The following PRICKLE2 variants were observed in gnomAD, a reference collection of about 807,000 sequenced individuals.
PRICKLE2 encodes the protein prickle-like protein 2.
In PRICKLE2, 21 loss-of-function variants were observed where a neutral mutation model predicts 81.4. That is an observed-to-expected ratio of 0.26 (90% CI 0.18 to 0.37). The LOEUF (loss-of-function observed/expected upper bound fraction) is 0.37, where lower values mean the gene tolerates loss of function less well. Among genes scored for constraint, PRICKLE2 ranks in the 10% least tolerant of loss-of-function variants. The pLI is 1.00. For synonymous variants in PRICKLE2, 456 were observed against 421.5 expected, an observed-to-expected ratio of 1.08 and a Z score of -1.00; for missense variants, 940 against 1,109.0, an observed-to-expected ratio of 0.85 and a Z score of 2.16.
At position 64,145,286 on chromosome 3, in the gene PRICKLE2, T is replaced by A. The variant is rs939421239; in HGVS notation, c.1660+1544A>T. On this transcript the variant is annotated intron_variant, in intron 7 of 7. Transcript: ENST00000638394. ...AGCTAATTTATATATATATATATAA[T>A]ATATTTGTATATATTATATCATATA... 9.6e-5 allele frequency: 14 copies of A among 146,410 alleles called. No individual in the cohort carries two copies. In the Admixed American group the frequency reaches 9.7e-4, roughly 10 times the overall value. The allele number at this position is 146,410 out of a possible 1,614,324, so 9.1% of individuals were successfully genotyped here. A position where few individuals can be genotyped will look rare whatever the true frequency, so the allele number is the denominator to read the frequency against.
chr3:64,132,358 G>C (rs1386584530), intron 7 of PRICKLE2, among the ~76,000 whole-genome samples: 1 of 152,180 alleles, frequency 6.6e-6, no homozygotes, highest in African/African-American at 2.4e-5. Flanking sequence ...AATGGGAAAA[G>C]ATCAGAGGGT....
At chr3:64,124,437 T>C (rs1195390064) in intron 7 of PRICKLE2, among the ~76,000 whole-genome samples, 1 of 152,218 alleles carries the variant, frequency 6.6e-6, no homozygotes, top group Non-Finnish European at 1.5e-5. Context: ...AGATTTTCAA[T>C]GTAGGTGAAA....
intron 2 of PRICKLE2, 174 bp from the exon 3 acceptor site, chr3:64,163,303 A>C (rs2077764745): frequency 1.5e-6 from 1 of 657,768 alleles, no homozygotes; most frequent in African/African-American, 1.8e-5. Flanking sequence ...ATTCATCCTT[A>C]AAGCAAGAGT....
chr3:64,099,228 G>T lies in PRICKLE2; in HGVS notation c.2358C>A (p.Asn786Lys). 1 of 1,614,170 alleles carries T rather than the reference G, an allele frequency of 6.2e-7. No homozygotes were observed. The highest frequency in any genetic ancestry group is 8.5e-7 in the Non-Finnish European group (1 of 1,180,032). Residue 786 changes from asparagine (N) to lysine (K), a missense_variant, in exon 8 of 8, where the codon AAC (asparagine) becomes AAA (lysine). Asn to Lys is a moderately conservative substitution (Grantham distance 94, BLOSUM62 0). Coordinates refer to ENST00000638394, the MANE Select transcript of PRICKLE2 (RefSeq NM_198859.4). The surrounding 1 kb of genome is among the most constrained non-coding windows in gnomAD (Gnocchi z 4.3). ...STCSSSSESDNEGYFLGEPIP... is the reference protein window; with the variant it reads ...STCSSSSESDKEGYFLGEPIP... Reference sequence around the variant, plus strand: ...TGGGTTCTCCTAGGAAATAGCCCTCGTTGTCAGACTCTGAAGAGGAGGAGC... The same window carrying T: ...TGGGTTCTCCTAGGAAATAGCCCTCTTTGTCAGACTCTGAAGAGGAGGAGC...
chr3:64,217,759 T>C (rs188572004), intron 1 of PRICKLE2, among the ~76,000 whole-genome samples: 1 of 152,254 alleles, frequency 6.6e-6, no homozygotes, highest in Non-Finnish European at 1.5e-5. Context: ...TGTCGATTAT[T>C]TGTGAGGTCT....
At chr3:64,202,984 T>C (rs1391142272) in intron 1 of PRICKLE2, among the ~76,000 whole-genome samples, 2 of 152,222 alleles carry the variant, frequency 1.3e-5, no homozygotes, top group Non-Finnish European at 1.5e-5. Context: ...GTGTTGGAGT[T>C]TGTCAAATGC....
intron 2 of PRICKLE2, among the ~76,000 whole-genome samples, chr3:64,177,415 G>A (rs1477957746): frequency 1.3e-5 from 2 of 152,010 alleles, no homozygotes; most frequent in Non-Finnish European, 2.9e-5. Flanking sequence ...TTATAGACGT[G>A]AGCCACCATG....
In PRICKLE2 at chr3:64,093,105, T is replaced by C. The variant is rs2076526535; in HGVS notation, c.*5946A>G. On this transcript the variant is annotated 3_prime_UTR_variant, in exon 8 of 8. Coordinates refer to ENST00000638394, the MANE Select transcript of PRICKLE2 (RefSeq NM_198859.4). Reference sequence around the variant, plus strand: ...TGAATTTGACTCTAGGTGCCTCAGATAAATGGAATCATACACTTGTCTTTT... The same window carrying C: ...TGAATTTGACTCTAGGTGCCTCAGACAAATGGAATCATACACTTGTCTTTT... The C allele has an allele frequency of 1.2e-5, 2 of 165,444 alleles. No individual in the cohort carries two copies. Among genetic ancestry groups the C allele is most frequent in the Admixed American group, 6.1e-5 (1 of 16,350 alleles). The allele number at this position is 165,444 out of a possible 1,614,324, so 10.2% of individuals were successfully genotyped here.
intron 2 of PRICKLE2, among the ~76,000 whole-genome samples, chr3:64,231,103 T>A (rs1041877556): frequency 9.9e-5 from 15 of 152,134 alleles, no homozygotes; most frequent in African/African-American, 3.6e-4. Context: ...CTTAGGAATC[T>A]GTCACATTTC....
chr3:64,109,774 T>C (rs1328823290), intron 7 of PRICKLE2, among the ~76,000 whole-genome samples: 1 of 152,208 alleles, frequency 6.6e-6, no homozygotes, highest in Non-Finnish European at 1.5e-5. Flanking sequence ...ATAGCGGCTT[T>C]GTTTTTTAGC....
intron 2 of PRICKLE2, among the ~76,000 whole-genome samples, chr3:64,252,893 C>A (rs903143916): frequency 2.0e-5 from 3 of 152,106 alleles, no homozygotes; most frequent in Non-Finnish European, 2.9e-5. Context: ...GAAGACAAGA[C>A]AAAAGTAAAT....
chr3:64,261,715 G>A (rs568026392), intron 2 of PRICKLE2, among the ~76,000 whole-genome samples: 1 of 152,086 alleles, frequency 6.6e-6, no homozygotes, highest in Non-Finnish European at 1.5e-5. Context: ...CAGAAACTTG[G>A]GCTGGCCTGT....
chr3:64,205,299 T>A (rs539167031), intron 1 of PRICKLE2, among the ~76,000 whole-genome samples: 1 of 152,170 alleles, frequency 6.6e-6, no homozygotes, highest in African/African-American at 2.4e-5. Context: ...CATTAAATCA[T>A]GGCTTCCGTA....
intron 7 of PRICKLE2, among the ~76,000 whole-genome samples, chr3:64,134,734 A>G (rs904829233): frequency 6.6e-6 from 1 of 152,118 alleles, no homozygotes; most frequent in Non-Finnish European, 1.5e-5. Context: ...GTGTTTGTGT[A>G]TGAGTGTGTA....
At position 64,098,828 on chromosome 3, in the gene PRICKLE2, T is replaced by A. The variant is rs1257714710; in HGVS notation, c.*223A>T. On this transcript the variant is annotated 3_prime_UTR_variant, in exon 8 of 8. Coordinates refer to ENST00000638394, the MANE Select transcript of PRICKLE2 (RefSeq NM_198859.4). ...GTGACCAAGCCTGGCCTCGATAGAG[T>A]CTACTGTGTTTCCAAAGTGAAATGT... is the stretch of plus-strand genomic sequence containing the variant. 2.0e-5 allele frequency: 12 copies of A among 586,412 alleles called. No individual in the cohort carries two copies. In the Admixed American group the frequency reaches 3.3e-4, roughly 16 times the overall value. The allele number at this position is 586,412 out of a possible 1,614,324, so 36.3% of individuals were successfully genotyped here.
At chr3:64,100,991 A>G (rs1371833552) in intron 7 of PRICKLE2, 1 of 152,210 alleles carries the variant, frequency 6.6e-6, no homozygotes, top group Non-Finnish European at 1.5e-5. Flanking sequence ...GGGGCCTCCA[A>G]CTTCCTCTTC....
intron 1 of PRICKLE2, among the ~76,000 whole-genome samples, chr3:64,208,319 C>G (rs946612124): frequency 2.6e-5 from 4 of 152,164 alleles, no homozygotes; most frequent in Non-Finnish European, 5.9e-5. Context: ...TAAAATTGAG[C>G]TATCACAAAA....
intron 7 of PRICKLE2, among the ~76,000 whole-genome samples, chr3:64,141,059 A>G (rs892278027): frequency 6.6e-6 from 1 of 152,238 alleles, no homozygotes; most frequent in Non-Finnish European, 1.5e-5. Context: ...CCCATATGTA[A>G]AATGGGTATA....
chr3:64,206,072 T>G (rs866742276), intron 1 of PRICKLE2, among the ~76,000 whole-genome samples: 13 of 152,342 alleles, frequency 8.5e-5, no homozygotes, highest in African/African-American at 2.9e-4. Context: ...AAATAATTCC[T>G]AATCATGAAA....
Sources: gnomAD v4.1 joint callset for allele counts (sites outside exome capture counted in the v4.1 genomes callset) on GRCh38, gnomAD v4.1.1 for gene constraint, Gnocchi (gnomAD v3.1) non-coding constraint, MANE v1.5 for transcripts, NCBI Gene and HGNC (gene_info 2026-07-23, HGNC 2026-07-21) for gene names.